Variants in KANK1 observed in about 807,000 individuals in gnomAD.
KANK1 encodes the protein KN motif and ankyrin repeat domains 1.
A neutral mutation model predicts 106.2 loss-of-function variants in KANK1; 109 were observed. The ratio of observed to expected loss-of-function variants is 1.03; its 90% CI spans 0.88 to 1.20. The LOEUF is 1.20. KANK1 is among the 50% of genes most tolerant of loss of function. KANK1 has a pLI of 0.00. For synonymous variants in KANK1, 873 were observed against 652.2 expected, an observed-to-expected ratio of 1.34 and a Z score of -5.16; for missense variants, 2,399 against 1,710.7, an observed-to-expected ratio of 1.40 and a Z score of -7.10.
chr9:517,505 A>G (rs1016385094), intron 1 of KANK1, among the ~76,000 whole-genome samples: 1 of 151,788 alleles, frequency 6.6e-6, no homozygotes, highest in Non-Finnish European at 1.5e-5. Context: ...CAACCTGAGG[A>G]AACAAAAGCC....
At chr9:518,476 C>G (rs1045198563) in intron 1 of KANK1, among the ~76,000 whole-genome samples, 9 of 151,690 alleles carry the variant, frequency 5.9e-5, no homozygotes, top group African/African-American at 1.2e-4. Flanking sequence ...TCAAGGGGAT[C>G]TGATTCGATG....
Position 711,777 on chromosome 9 carries a change from G to C in KANK1, c.1011G>C (p.Arg337=), listed in dbSNP as rs142210244. 2 of 1,614,208 alleles carry C rather than the reference G, an allele frequency of 1.2e-6. No individual in the cohort carries two copies. The highest frequency in any genetic ancestry group is 1.7e-6 in the Non-Finnish European group (2 of 1,180,032). The part of the protein sequence containing the change: ...GNASQLEQLS[R]ARRSGGELYI... ...CCTCCCAGCTGGAACAGCTCTCCCG[G>C]GCCCGAAGAAGTGGCGGGGAATTAT... The change falls in exon 3 of 12, where the codon CGG becomes CGC. Residue 337 remains arginine (R), a synonymous_variant. Transcript: ENST00000382297.
intron 1 of KANK1, among the ~76,000 whole-genome samples, chr9:669,171 G>T (rs996902631): frequency 6.6e-6 from 1 of 152,172 alleles, no homozygotes; most frequent in African/African-American, 2.4e-5. Context: ...ACAGATTGCT[G>T]TAGCTGTTAG....
chr9:653,548 G>GGC (rs1841395110), intron 1 of KANK1, among the ~76,000 whole-genome samples: 1 of 152,102 alleles, frequency 6.6e-6, no homozygotes, highest in Non-Finnish European at 1.5e-5. Context: ...ATTTAATAAA[G>GGC]GCTGCAAAAC....
intron 3 of KANK1, among the ~76,000 whole-genome samples, chr9:482,318 G>A (rs1247569919): frequency 1.3e-5 from 2 of 152,182 alleles, no homozygotes; most frequent in African/African-American, 4.8e-5. Context: ...AAGTGAGGGG[G>A]CACAAACTAT....
At chr9:507,846 A>G (rs940974895) in intron 1 of KANK1, among the ~76,000 whole-genome samples, 1 of 150,744 alleles carries the variant, frequency 6.6e-6, no homozygotes, top group African/African-American at 2.4e-5. Flanking sequence ...GTGAGCCACC[A>G]TGCCAGTTTT....
chr9:509,879 C>G (rs755565260), intron 1 of KANK1, among the ~76,000 whole-genome samples: 1 of 152,102 alleles, frequency 6.6e-6, no homozygotes, highest in African/African-American at 2.4e-5. Flanking sequence ...TCGCTGTAAC[C>G]GTGAACTGCT....
chr9:742,486 A>C, intron 10 of KANK1, 81 bp downstream of exon 10: 1 of 1,097,052 alleles, frequency 9.1e-7, no homozygotes, highest in Middle Eastern at 3.1e-4. Flanking sequence ...TTTGGCCAGG[A>C]GCGACCAAAT....
chr9:699,119 C>T (rs562547440), intron 2 of KANK1, among the ~76,000 whole-genome samples: 1 of 152,328 alleles, frequency 6.6e-6, no homozygotes, highest in South Asian at 2.1e-4. Flanking sequence ...GCCCGGTGGA[C>T]TCCTTAGCTA....
chr9:664,977 T>C (rs1398432841), intron 1 of KANK1, among the ~76,000 whole-genome samples: 1 of 152,226 alleles, frequency 6.6e-6, no homozygotes, highest in African/African-American at 2.4e-5. Context: ...TGTTGAGAAA[T>C]ACCTGTTCAG....
At chr9:706,242 A>C (rs1824122593) in intron 2 of KANK1, among the ~76,000 whole-genome samples, 1 of 152,214 alleles carries the variant, frequency 6.6e-6, no homozygotes, top group South Asian at 2.1e-4. Context: ...AAGCAAGCCT[A>C]ACTTAGTTAA....
chr9:475,313 C>G (rs2058084737), intron 3 of KANK1, among the ~76,000 whole-genome samples: 1 of 152,176 alleles, frequency 6.6e-6, no homozygotes, highest in Non-Finnish European at 1.5e-5. Context: ...CAGGCCACTG[C>G]ACATATGGAC....
chr9:730,263 T>TCA lies in KANK1; in HGVS notation c.2896+18_2896+19dup. On this transcript the variant is annotated intron_variant, in intron 4 of 11. Transcript: ENST00000382297. ...TGGCCTCTATGGTAACTTTTCTCAC[T>TCA]CACAGTCATTGGCATCAGGATTCTA... 6.2e-7 allele frequency: 1 copy of TCA among 1,612,920 alleles called. No homozygotes were observed. Among genetic ancestry groups the TCA allele is most frequent in the Non-Finnish European group, 8.5e-7 (1 of 1,178,866 alleles).
upstream of KANK1, among the ~76,000 whole-genome samples, chr9:500,992 C>A (rs1032347729): frequency 1.3e-5 from 2 of 152,140 alleles, no homozygotes; most frequent in African/African-American, 4.8e-5. Flanking sequence ...CTTTCTTCCT[C>A]CAAAGCTATA....
rs762997024 is a variant in KANK1, at chr9:742,203, A to G, written c.3697-2A>G. The G allele has an allele frequency of 6.2e-7, 1 of 1,613,900 alleles. No individual in the cohort carries two copies. The highest frequency in any genetic ancestry group is 1.7e-5 in the Admixed American group (1 of 60,000). ...TGAAGTCCTTGTCATCTCTTCCCAT[A>G]GGCGGGACAGACGGCCCTCATGCTG... On this transcript the variant is annotated splice_acceptor_variant, in intron 9 of 11. Coordinates refer to ENST00000382297, the MANE Select transcript of KANK1 (RefSeq NM_015158.5). LOFTEE classifies it high-confidence loss of function.
intron 1 of KANK1, among the ~76,000 whole-genome samples, chr9:585,540 A>C (rs1823250827): frequency 6.6e-6 from 1 of 152,310 alleles, no homozygotes; most frequent in African/African-American, 2.4e-5. Flanking sequence ...GAACCGATCC[A>C]AAAAATATGT....
chr9:630,094 C>A (rs755810767), intron 1 of KANK1, among the ~76,000 whole-genome samples: 2 of 151,956 alleles, frequency 1.3e-5, no homozygotes, highest in Non-Finnish European at 2.9e-5. Context: ...CTAGAAAATA[C>A]AAAAATTAGC....
chr9:745,478 C>T lies in KANK1; in HGVS notation c.*243C>T. ...AACCCAGTCTCTGTTGCTGTTGAGT[C>T]TCTGCTCCGTTTTGTACAGTCACAG... is the stretch of plus-strand genomic sequence containing the variant. On this transcript the variant is annotated 3_prime_UTR_variant, in exon 12 of 12. Coordinates refer to ENST00000382297, the MANE Select transcript of KANK1 (RefSeq NM_015158.5). 2.3e-6 allele frequency: 1 copy of T among 427,942 alleles called. No individual in the cohort carries two copies. Among genetic ancestry groups the T allele is most frequent in the Non-Finnish European group, 4.2e-6 (1 of 237,240 alleles). 26.5% of individuals were successfully genotyped at this position (427,942 alleles called of 1,614,324 possible).
chr9:710,165 C>G (rs2130858099), intron 2 of KANK1, among the ~76,000 whole-genome samples: 1 of 152,216 alleles, frequency 6.6e-6, no homozygotes, highest in East Asian at 1.9e-4. Flanking sequence ...CACAATATAT[C>G]CTTGTAACAA....
Sources: allele counts gnomAD v4.1 joint callset (sites outside exome capture counted in the v4.1 genomes callset), GRCh38; gene constraint gnomAD v4.1.1; transcripts MANE v1.5; gene names NCBI Gene and HGNC (gene_info 2026-07-23, HGNC 2026-07-21).